PEX12: variants seen among roughly 807,000 people sequenced by gnomAD.
PEX12 encodes the protein peroxisome assembly protein 12.
Under a neutral mutation model 32.5 loss-of-function variants are expected in PEX12, and 31 were observed. The observed-to-expected ratio is 0.95, with a 90% CI of 0.72 to 1.29. The LOEUF is 1.29. PEX12 is among the 50% of genes most tolerant of loss of function. PEX12 has a pLI of 0.00. For missense variants in PEX12, 359 were observed against 419.0 expected (o/e 0.86, Z 1.25); for synonymous variants, 148 against 157.2 (o/e 0.94, Z 0.44).
In PEX12 at chr17:35,575,778, C is replaced by T; in HGVS notation, c.*4G>A. The T allele has an allele frequency of 6.2e-7, 1 of 1,613,852 alleles. No homozygotes were observed. On this transcript the variant is annotated 3_prime_UTR_variant, in exon 3 of 3. Transcript: ENST00000225873. Reference sequence around the variant, plus strand: ...TTGTTGTGAGGATAAGACATGATTCCCTTTCAGTTCTCAGGGGAGTAGAGT... The same window carrying T: ...TTGTTGTGAGGATAAGACATGATTCTCTTTCAGTTCTCAGGGGAGTAGAGT...
In PEX12 at chr17:35,577,049, T is replaced by C. The variant is rs776230088; in HGVS notation, c.669A>G (p.Gln223=). 1.9e-6 allele frequency: 3 copies of C among 1,614,072 alleles called. No homozygotes were observed. Among genetic ancestry groups the C allele is most frequent in the Middle Eastern group, 1.6e-4 (1 of 6,062 alleles). ...TGTTAAGGCCTTACCTCCTGGCTGG[T>C]TGCTGCATCATGCTGGCCTTAGCTG... ...HKPAKASMMQ[Q]PARSVSEKIN... The change falls in exon 2 of 3, where the codon CAA becomes CAG. Residue 223 remains glutamine (Q), a synonymous_variant. Coordinates refer to ENST00000225873, the MANE Select transcript of PEX12 (RefSeq NM_000286.3).
chr17:35,576,009 G>A lies in PEX12; in HGVS notation c.853C>T (p.Pro285Ser), dbSNP rs2142229072. The A allele has an allele frequency of 6.2e-7, 1 of 1,614,120 alleles. No homozygotes were observed. ...TCAGAGTTATAGTCTAGGTGTACAG[G>A]TGGTGGTGGAGTAGGCAGGGCAGTC... ...SLTALPTPPP[P>S]VHLDYNSDSP... Residue 285 changes from proline to serine, a missense_variant, in exon 3 of 3, where the codon CCT becomes TCT. Transcript: ENST00000225873.
In PEX12 at chr17:35,577,973, G is replaced by A. The variant is rs888633730; in HGVS notation, c.49C>T (p.Gln17Ter). 2 of 1,614,152 alleles carry A rather than the reference G, an allele frequency of 1.2e-6. No homozygotes were observed. The highest frequency in any genetic ancestry group is 2.7e-5 in the African/African-American group (2 of 75,040). The change falls in exon 1 of 3, where the codon CAG becomes TAG. Residue 17 changes from glutamine to a stop codon, truncating the protein, a stop_gained. Transcript: ENST00000225873. LOFTEE classifies it high-confidence loss of function. Reference sequence around the variant, plus strand: ...GCTACCACCTCAAAGATGGATGGCTGGTCATCGGCCACAGAAGCAGCTGTG... The same window carrying A: ...GCTACCACCTCAAAGATGGATGGCTAGTCATCGGCCACAGAAGCAGCTGTG... ...HFTAASVADD[Q>*]PSIFEVVAQD...
Position 35,577,562 on chromosome 17 carries a change from A to G in PEX12, c.156T>C (p.Tyr52=), listed in dbSNP as rs373145272. The change falls in exon 2 of 3, where the codon TAT becomes TAC. Residue 52 remains tyrosine (Y), a synonymous_variant. Transcript: ENST00000225873. ...CATCAAACCACCTCCACAAGAAGCC[A>G]TAGTGGGTGGGATTTGATTCTGCAA... ...KVLAESNPTH[Y]GFLWRWFDEI... 7.4e-6 allele frequency: 12 copies of G among 1,613,298 alleles called. No homozygotes were observed. The African/African-American group carries it at 1.6e-4, about 22-fold the overall frequency.
chr17:35,576,154 C>T lies in PEX12; in HGVS notation c.708G>A (p.Leu236=), dbSNP rs1404693909. The T allele has an allele frequency of 6.2e-7, 1 of 1,613,990 alleles. No homozygotes were observed. The highest frequency in any genetic ancestry group is 8.5e-7 in the Non-Finnish European group (1 of 1,180,010). ...RSVSEKINSA[L]KKAVGGVALS... is the part of the protein sequence containing the mutation. ...AGGCAACACCCCCAACAGCTTTCTT[C>T]AGAGCTGAGTTTATCTTCTCACTAA... Residue 236 remains leucine, a synonymous_variant, in exon 3 of 3, where the codon CTG becomes CTA. Coordinates refer to ENST00000225873, the MANE Select transcript of PEX12 (RefSeq NM_000286.3).
rs779094557 is a variant in PEX12 at position 35,577,592 on chromosome 17, CTAAAGCAAAA to C, written c.127-11_127-2del. 2.5e-6 allele frequency: 4 copies of C among 1,612,042 alleles called. No individual in the cohort carries two copies. The South Asian group carries it at 4.4e-5, about 18-fold the overall frequency. ...GGGTGGGATTTGATTCTGCAAGAAC[CTAAAGCAAAA>C]TAAAGCAATAAGTGAAATTCATTCC... On this transcript the variant is annotated splice_acceptor_variant and splice_polypyrimidine_tract_variant and intron_variant, in intron 1 of 2. Transcript: ENST00000225873. LOFTEE classifies it high-confidence loss of function.
At chr17:35,577,624 T>C (rs768965527) in intron 1 of PEX12, 33 bp from the exon 2 acceptor site, 1 of 1,586,940 alleles carries the variant, frequency 6.3e-7, no homozygotes, top group South Asian at 1.1e-5. Context: ...GTGAAATTCA[T>C]TCCATTACAC....
Position 35,577,047 on chromosome 17 carries a change from G to A in PEX12, c.671C>T (p.Pro224Leu). Residue 224 changes from proline to leucine, a missense_variant, in exon 2 of 3, where the codon CCA (proline) becomes CTA (leucine). Transcript: ENST00000225873. ...KPAKASMMQQ[P>L]ARSVSEKINS... The stretch of plus-strand genomic sequence containing the variant: ...AATGTTAAGGCCTTACCTCCTGGCT[G>A]GTTGCTGCATCATGCTGGCCTTAGC... The A allele has an allele frequency of 6.2e-7, 1 of 1,613,912 alleles. No homozygotes were observed. The highest frequency in any genetic ancestry group is 1.3e-5 in the African/African-American group (1 of 75,038).
At position 35,577,837 on chromosome 17, in the gene PEX12, T is replaced by G. The variant is rs556921874; in HGVS notation, c.126+59A>C. The G allele has an allele frequency of 5.2e-5, 83 of 1,608,430 alleles. No individual in the cohort carries two copies. The African/African-American group carries it at 1.1e-3, about 21-fold the overall frequency. Reference sequence around the variant, plus strand: ...CGCTAGGCTACCAAATAAGCACAAATTATTCGTTTGTTTTTTACCCAGTTG... The same window carrying G: ...CGCTAGGCTACCAAATAAGCACAAAGTATTCGTTTGTTTTTTACCCAGTTG... On this transcript the variant is annotated intron_variant, in intron 1 of 2. Transcript: ENST00000225873.
Position 35,577,596 on chromosome 17 carries a change from A to C in PEX12, c.127-5T>G. ...GGGATTTGATTCTGCAAGAACCTAA[A>C]GCAAAATAAAGCAATAAGTGAAATT... On this transcript the variant is annotated splice_polypyrimidine_tract_variant and splice_region_variant and intron_variant, in intron 1 of 2. Coordinates refer to ENST00000225873, the MANE Select transcript of PEX12 (RefSeq NM_000286.3). 1 of 1,610,408 alleles carries C rather than the reference A, an allele frequency of 6.2e-7. No homozygotes were observed. The highest frequency in any genetic ancestry group is 8.5e-7 in the Non-Finnish European group (1 of 1,178,900).
At chr17:35,577,671 A>G (rs979347663) in intron 1 of PEX12, 80 bp from the exon 2 acceptor site, 11 of 1,448,130 alleles carry the variant, frequency 7.6e-6, no homozygotes, top group African/African-American at 4.2e-5. Flanking sequence ...CTTTTCCTCT[A>G]AAGTCTACAC....
At position 35,576,144 on chromosome 17, in the gene PEX12, C is replaced by T. The variant is rs980992759; in HGVS notation, c.718G>A (p.Val240Ile). Reference protein sequence around the residue: ...EKINSALKKAVGGVALSLSTG... With the variant: ...EKINSALKKAIGGVALSLSTG... ...GACAGGGATAAGGCAACACCCCCAA[C>T]AGCTTTCTTCAGAGCTGAGTTTATC... Residue 240 changes from valine (V) to isoleucine (I), a missense_variant, in exon 3 of 3, where the codon GTT (valine) becomes ATT (isoleucine). By Grantham distance (29) the Val-to-Ile change is conservative. Transcript: ENST00000225873. 1 of 1,614,146 alleles carries T rather than the reference C, an allele frequency of 6.2e-7. No homozygotes were observed. The highest frequency in any genetic ancestry group is 1.6e-4 in the Middle Eastern group (1 of 6,062).
rs2072798855 is a variant in PEX12, at chr17:35,578,121, G to C, written c.-100C>G. On this transcript the variant is annotated 5_prime_UTR_variant, in exon 1 of 3. Transcript: ENST00000225873. ...TATCAGATGGGTGCTCAGTCTTAAAGGTAAACTTTCTGCATGATATCTGAA... is the reference window on the plus strand; with the variant it reads ...TATCAGATGGGTGCTCAGTCTTAAACGTAAACTTTCTGCATGATATCTGAA... 3.4e-6 allele frequency: 5 copies of C among 1,451,030 alleles called. No homozygotes were observed. The South Asian group carries it at 3.5e-5, about 10-fold the overall frequency. 89.9% of individuals were successfully genotyped at this position (1,451,030 alleles called of 1,614,324 possible). A position where few individuals can be genotyped will look rare whatever the true frequency, so the allele number is the denominator to read the frequency against.
intron 2 of PEX12, 145 bp downstream of exon 2, chr17:35,576,893 A>G: frequency 1.4e-6 from 1 of 737,088 alleles, no homozygotes; most frequent in East Asian, 2.7e-5. Context: ...CCAGGATGAC[A>G]GTCCTTGTTT....
In PEX12 at chr17:35,577,073, TG is replaced by T. The variant is rs1199283977; in HGVS notation, c.644del (p.Pro215GlnfsTer6). The T allele has an allele frequency of 1.9e-6, 3 of 1,614,074 alleles. No individual in the cohort carries two copies. The highest frequency in any genetic ancestry group is 1.7e-5 in the Admixed American group (1 of 59,998). ...GTTGCTGCATCATGCTGGCCTTAGC[TG>T]GTTTGTGCTCCAGAGCTTGTATATC... is the stretch of plus-strand genomic sequence containing the variant. ...VQDIQALEHKPAKASMMQQPA... is the reference protein window; with the variant it reads ...VQDIQALEHKXAKASMMQQPA... On this transcript the variant is annotated frameshift_variant, in exon 2 of 3. Transcript: ENST00000225873. LOFTEE classifies it high-confidence loss of function.
rs896156854 is a variant in PEX12 at position 35,577,110 on chromosome 17, A to C, written c.608T>G (p.Leu203Arg). ...CAGAGCTTGTATATCCTGAACTGTC[A>C]GTCGACCTAGCTGAACTCCAGCCAG... ...LRLAGVQLGRLTVQDIQALEH... is the reference protein window; with the variant it reads ...LRLAGVQLGRRTVQDIQALEH... The change falls in exon 2 of 3, where the codon CTG (leucine) becomes CGG (arginine). Residue 203 changes from leucine to arginine, a missense_variant. Transcript: ENST00000225873. 1 of 1,614,130 alleles carries C rather than the reference A, an allele frequency of 6.2e-7. No homozygotes were observed. The highest frequency in any genetic ancestry group is 1.7e-5 in the Admixed American group (1 of 60,020).
Position 35,576,082 on chromosome 17 carries a change from G to A in PEX12, c.780C>T (p.Phe260=). The A allele has an allele frequency of 6.2e-7, 1 of 1,614,094 alleles. No individual in the cohort carries two copies. The highest frequency in any genetic ancestry group is 8.5e-7 in the Non-Finnish European group (1 of 1,180,002). Residue 260 remains phenylalanine (F), a synonymous_variant, in exon 3 of 3, where the codon TTC becomes TTT. Coordinates refer to ENST00000225873, the MANE Select transcript of PEX12 (RefSeq NM_000286.3). ...GLSVGVFFLQ[F]LDWWYSSENQ... Reference sequence around the variant, plus strand: ...TTTCAGATGAGTACCACCAGTCAAGGAACTGCAAGAAGAATACACCCACAG... The same window carrying A: ...TTTCAGATGAGTACCACCAGTCAAGAAACTGCAAGAAGAATACACCCACAG...
intron 2 of PEX12, among the ~76,000 whole-genome samples, chr17:35,576,517 T>TA (rs1188406971): frequency 6.8e-6 from 1 of 147,068 alleles, no homozygotes; most frequent in Non-Finnish European, 1.5e-5. Context: ...ATTCACTTAA[T>TA]AAAAAACTTA....
At position 35,577,443 on chromosome 17, in the gene PEX12, A is replaced by G; in HGVS notation, c.275T>C (p.Ile92Thr). ...FSENFYGLKR[I>T]VMGDTHKSQR... ...AGACTTGTGAGTGTCCCCCATTACA[A>G]TTCTCTTTAAGCCGTAAAAGTTTTC... The change falls in exon 2 of 3, where the codon ATT (isoleucine) becomes ACT (threonine). Residue 92 changes from isoleucine to threonine, a missense_variant. Transcript: ENST00000225873. The G allele has an allele frequency of 6.2e-7, 1 of 1,614,094 alleles. No individual in the cohort carries two copies. Among genetic ancestry groups the G allele is most frequent in the Non-Finnish European group, 8.5e-7 (1 of 1,180,006 alleles).
Sources: gnomAD v4.1 joint callset for allele counts (sites outside exome capture counted in the v4.1 genomes callset) on GRCh38, gnomAD v4.1.1 for gene constraint, MANE v1.5 for transcripts, NCBI Gene and HGNC (gene_info 2026-07-23, HGNC 2026-07-21) for gene names.